Variants in IGSF5 observed in about 807,000 individuals in gnomAD.
IGSF5 encodes the protein immunoglobulin superfamily member 5.
IGSF5 carries 41 observed loss-of-function variants against 39.4 expected under a neutral mutation model. The ratio of observed to expected loss-of-function variants is 1.04; its 90% CI spans 0.81 to 1.35. The LOEUF (loss-of-function observed/expected upper bound fraction) is 1.35. IGSF5 is among the 40% of genes most tolerant of loss of function. The pLI, the probability that IGSF5 is intolerant of heterozygous loss-of-function variation, is 0.00. For missense variants in IGSF5, 487 were observed against 494.6 expected (o/e 0.98, Z 0.15); for synonymous variants, 183 against 175.3 (o/e 1.04, Z -0.34).
chr21:39,726,405 T>C, the IGSF5 span, among the ~76,000 whole-genome samples: 5 of 151,682 alleles, frequency 3.3e-5, no homozygotes, highest in Admixed American at 3.3e-4. Flanking sequence ...CTGCTTGGAG[T>C]GCGCAGAAGA....
At chr21:39,740,330 A>C (rs1427906679), upstream of IGSF5, among the ~76,000 whole-genome samples, 1 of 152,058 alleles carries the variant, frequency 6.6e-6, no homozygotes, top group Admixed American at 6.5e-5. Context: ...TAAGACTGCC[A>C]CCTCTTTAGG....
chr21:39,794,622 A>G (rs2086984442), intron 8 of IGSF5, among the ~76,000 whole-genome samples: 1 of 152,204 alleles, frequency 6.6e-6, no homozygotes, highest in Non-Finnish European at 1.5e-5. Flanking sequence ...TACAAATGCA[A>G]CTTCAGACAA....
At chr21:39,722,493 T>G in the IGSF5 span, 1 of 152,178 alleles carries the variant, frequency 6.6e-6, no homozygotes, top group African/African-American at 2.4e-5. Context: ...AGGATGAAGC[T>G]TCTACCAACC....
At chr21:39,780,726 A>G (rs1157657) in intron 5 of IGSF5, among the ~76,000 whole-genome samples, 9,139 of 152,238 alleles carry the variant, frequency 0.06, 875 homozygotes, top group African/African-American at 0.21. Flanking sequence ...GTTGGGATCA[A>G]TGGTGAGGTG....
At chr21:39,757,937 A>C (rs2080040490) in intron 2 of IGSF5, among the ~76,000 whole-genome samples, 1 of 152,140 alleles carries the variant, frequency 6.6e-6, no homozygotes, top group Non-Finnish European at 1.5e-5. Flanking sequence ...GCGCTGATCC[A>C]ATGTGTCCAC....
At chr21:39,753,572 G>A (rs1263423307) in intron 2 of IGSF5, among the ~76,000 whole-genome samples, 2 of 152,156 alleles carry the variant, frequency 1.3e-5, no homozygotes, top group Non-Finnish European at 2.9e-5. Flanking sequence ...TATCACTGGG[G>A]TATTGAAGTC....
At chr21:39,755,677 G>C (rs967808234) in intron 2 of IGSF5, among the ~76,000 whole-genome samples, 1 of 152,234 alleles carries the variant, frequency 6.6e-6, no homozygotes, top group East Asian at 1.9e-4. Flanking sequence ...ATTTCATTTT[G>C]GTTTGTGCAC....
At chr21:39,774,419 A>G (rs887235883) in intron 4 of IGSF5, among the ~76,000 whole-genome samples, 1 of 152,264 alleles carries the variant, frequency 6.6e-6, no homozygotes, top group African/African-American at 2.4e-5. Flanking sequence ...TCGTTGAAAC[A>G]GGAATGACGT....
the IGSF5 span, among the ~76,000 whole-genome samples, chr21:39,731,280 C>T: frequency 9.9e-4 from 150 of 152,266 alleles, no homozygotes; most frequent in African/African-American, 2.8e-3. Context: ...GTCGGTTTAT[C>T]GCAGTTTGTT....
chr21:39,784,127 G>A (rs2080185067), intron 5 of IGSF5, among the ~76,000 whole-genome samples: 1 of 152,162 alleles, frequency 6.6e-6, no homozygotes, highest in Non-Finnish European at 1.5e-5. Flanking sequence ...GAAATTGAAA[G>A]GCAGTAAACT....
chr21:39,713,953 C>A, the IGSF5 span, among the ~76,000 whole-genome samples: 1 of 152,236 alleles, frequency 6.6e-6, no homozygotes, highest in Non-Finnish European at 1.5e-5. Flanking sequence ...AGTGGACCAA[C>A]ATGATGCACT....
intron 2 of IGSF5, among the ~76,000 whole-genome samples, chr21:39,756,131 TACAG>T (rs2080029491): frequency 6.6e-6 from 1 of 152,024 alleles, no homozygotes; most frequent in Admixed American, 6.5e-5. Flanking sequence ...ACGAAAGAAT[TACAG>T]ACACAAGTAG....
the IGSF5 span, among the ~76,000 whole-genome samples, chr21:39,735,317 A>G: frequency 1.3e-5 from 2 of 152,132 alleles, no homozygotes; most frequent in South Asian, 4.1e-4. Context: ...TATCACTTTT[A>G]TAATAAAGAA....
At chr21:39,792,151 G>A (rs767498554) in intron 7 of IGSF5, 52 bp downstream of exon 7, 2 of 1,271,748 alleles carry the variant, frequency 1.6e-6, no homozygotes, top group East Asian at 2.4e-5. Context: ...AGAGCTGGAA[G>A]AAGGGCTGGC....
chr21:39,733,446 T>G, the IGSF5 span, among the ~76,000 whole-genome samples: 17 of 152,226 alleles, frequency 1.1e-4, no homozygotes, highest in Middle Eastern at 3.2e-3. Flanking sequence ...GCGAAAGTGG[T>G]GCAACTTAGT....
chr21:39,737,799 G>A, the IGSF5 span, among the ~76,000 whole-genome samples: 3 of 152,130 alleles, frequency 2.0e-5, no homozygotes, highest in Non-Finnish European at 4.4e-5. Flanking sequence ...AACCCAGCAG[G>A]GCCTGTCTGT....
At chr21:39,753,770 A>T (rs1440774242) in intron 2 of IGSF5, among the ~76,000 whole-genome samples, 1 of 151,532 alleles carries the variant, frequency 6.6e-6, no homozygotes, top group African/African-American at 2.4e-5. Context: ...GTTGCTTTAA[A>T]GTCTGTTTTG....
chr21:39,791,400 T>C (rs1034630703), intron 6 of IGSF5, among the ~76,000 whole-genome samples: 10 of 152,210 alleles, frequency 6.6e-5, no homozygotes, highest in African/African-American at 2.2e-4. Flanking sequence ...AGGTCAAGTG[T>C]GACTATTTAA....
intron 5 of IGSF5, among the ~76,000 whole-genome samples, chr21:39,784,921 C>A (rs1164361267): frequency 1.3e-5 from 2 of 151,878 alleles, no homozygotes; most frequent in African/African-American, 2.4e-5. Flanking sequence ...CTCAGCCTGG[C>A]CTGGGGGCTT....
Sources: gnomAD v4.1 joint callset for allele counts (sites outside exome capture counted in the v4.1 genomes callset) on GRCh38, gnomAD v4.1.1 for gene constraint, MANE v1.5 for transcripts, NCBI Gene and HGNC (gene_info 2026-07-23, HGNC 2026-07-21) for gene names.